RPSA2: variants seen among roughly 807,000 people sequenced by gnomAD.
RPSA2 encodes the protein ribosomal protein SA 2, also known as small ribosomal subunit protein uS2B.
the RPSA2 span, chr19:23,828,136 T>C: frequency 1.4e-5 from 9 of 655,042 alleles, no homozygotes; most frequent in Non-Finnish European, 2.3e-5. Context: ...AAAAAAAAAA[T>C]GCTGCAATAA....
chr19:23,861,818 G>A, the RPSA2 span, among the ~76,000 whole-genome samples: 1 of 152,148 alleles, frequency 6.6e-6, no homozygotes, highest in Non-Finnish European at 1.5e-5. Flanking sequence ...AGAACCCTGA[G>A]TTGACACACT....
chr19:23,812,500 A>G, the RPSA2 span, among the ~76,000 whole-genome samples: 2 of 150,206 alleles, frequency 1.3e-5, no homozygotes, highest in Non-Finnish European at 1.5e-5. Context: ...GGTTCAAGCA[A>G]TTCTCCTGCC....
At chr19:23,831,379 A>G in the RPSA2 span, among the ~76,000 whole-genome samples, 1 of 152,158 alleles carries the variant, frequency 6.6e-6, no homozygotes, top group African/African-American at 2.4e-5. Context: ...GCTCACCTGG[A>G]ACACTGCACA....
chr19:23,858,125 T>A, the RPSA2 span, among the ~76,000 whole-genome samples: 2 of 150,352 alleles, frequency 1.3e-5, no homozygotes, highest in Admixed American at 1.3e-4. Context: ...TATATAAACA[T>A]GTTTTACTGG....
At chr19:23,855,675 G>A in the RPSA2 span, among the ~76,000 whole-genome samples, 2 of 152,144 alleles carry the variant, frequency 1.3e-5, no homozygotes, top group Non-Finnish European at 2.9e-5. Context: ...TGAGAAAGGG[G>A]CATGGGGGAG....
the RPSA2 span, among the ~76,000 whole-genome samples, chr19:23,868,790 G>A: frequency 3.3e-5 from 5 of 152,086 alleles, no homozygotes; most frequent in African/African-American, 4.8e-5. Flanking sequence ...CTCAAGGTGC[G>A]TGCAACCATG....
the RPSA2 span, among the ~76,000 whole-genome samples, chr19:23,773,708 C>G: frequency 6.6e-6 from 1 of 152,174 alleles, no homozygotes; most frequent in Non-Finnish European, 1.5e-5. Context: ...GAAAAATTGA[C>G]TCTCATATGT....
At chr19:23,869,228 A>G in the RPSA2 span, among the ~76,000 whole-genome samples, 1 of 152,128 alleles carries the variant, frequency 6.6e-6, no homozygotes, top group African/African-American at 2.4e-5. Context: ...TCTCAGAACA[A>G]TGTCGTCAAT....
At chr19:23,860,426 T>A in the RPSA2 span, among the ~76,000 whole-genome samples, 2 of 152,212 alleles carry the variant, frequency 1.3e-5, no homozygotes, top group African/African-American at 4.8e-5. Flanking sequence ...GCTGCACATG[T>A]GAGAGTATCA....
the RPSA2 span, among the ~76,000 whole-genome samples, chr19:23,795,705 G>A: frequency 6.6e-6 from 1 of 152,126 alleles, no homozygotes; most frequent in Non-Finnish European, 1.5e-5. Flanking sequence ...CCTATTTTAT[G>A]TTGAATAGAA....
chr19:23,858,069 G>C, the RPSA2 span, among the ~76,000 whole-genome samples: 1 of 150,492 alleles, frequency 6.6e-6, no homozygotes, highest in African/African-American at 2.4e-5. Flanking sequence ...GTTTGTGCAT[G>C]GGAAAGACTC....
the RPSA2 span, among the ~76,000 whole-genome samples, chr19:23,804,309 C>G: frequency 4.9e-5 from 3 of 60,872 alleles, no homozygotes; most frequent in Admixed American, 4.8e-4. Flanking sequence ...TCTTTTTTTT[C>G]TTTTTGGAGA....
At chr19:23,784,798 A>G in the RPSA2 span, among the ~76,000 whole-genome samples, 1 of 152,192 alleles carries the variant, frequency 6.6e-6, no homozygotes, top group Non-Finnish European at 1.5e-5. Context: ...GGCCTGGTCA[A>G]CAGGTGGACT....
chr19:23,792,759 C>T, the RPSA2 span, among the ~76,000 whole-genome samples: 1 of 151,764 alleles, frequency 6.6e-6, no homozygotes, highest in Admixed American at 6.6e-5. Flanking sequence ...GTGATCTGCC[C>T]GCCTCGGCCT....
the RPSA2 span, among the ~76,000 whole-genome samples, chr19:23,780,942 T>A: frequency 1.3e-5 from 2 of 152,256 alleles, no homozygotes; most frequent in Admixed American, 1.3e-4. Context: ...AATTGGAAAA[T>A]TGACTCTCAT....
the RPSA2 span, chr19:23,758,774 G>A: frequency 6.8e-6 from 11 of 1,614,090 alleles, no homozygotes; most frequent in African/African-American, 1.2e-4. Context: ...GGGACCTGGC[G>A]TCTTAGCTAT....
the RPSA2 span, among the ~76,000 whole-genome samples, chr19:23,836,547 C>A: frequency 3.3e-5 from 5 of 152,182 alleles, no homozygotes. Flanking sequence ...AGTGGGATTG[C>A]TGGATCAAAT....
the RPSA2 span, among the ~76,000 whole-genome samples, chr19:23,855,548 C>A: frequency 2.0e-5 from 3 of 152,068 alleles, no homozygotes; most frequent in African/African-American, 7.2e-5. Context: ...GCATAATAAG[C>A]GTTGGGTGGA....
At chr19:23,807,966 C>T in the RPSA2 span, 2 of 265,762 alleles carry the variant, frequency 7.5e-6, no homozygotes, top group African/African-American at 4.6e-5. Flanking sequence ...TACAAAATTC[C>T]TTATATAAAC....
Sources: allele counts gnomAD v4.1 joint callset (sites outside exome capture counted in the v4.1 genomes callset), GRCh38; gene constraint gnomAD v4.1.1; transcripts MANE v1.5; gene names NCBI Gene and HGNC (gene_info 2026-07-23, HGNC 2026-07-21).